The following CHD9 variants were observed in gnomAD, a reference collection of about 807,000 sequenced individuals.
CHD9 encodes the protein ATP-dependent chromatin remodeler CHD9.
Under a neutral mutation model 316.1 loss-of-function variants are expected in CHD9, and 77 were observed. That is an observed-to-expected ratio of 0.24 (90% confidence interval 0.20 to 0.29). CHD9 has a LOEUF of 0.29. Among genes scored for constraint, CHD9 ranks in the 10% least tolerant of loss-of-function variants. The probability of loss-of-function intolerance (pLI) is 1.00; values close to 1 mark genes in which losing one functional copy is unlikely to be tolerated. For synonymous variants in CHD9, 1,129 were observed against 1,158.3 expected (o/e 0.97, Z 0.51); for missense variants, 2,763 against 3,438.1 (o/e 0.80, Z 4.91).
chr16:53,107,567 C>T (rs981855159), intron 1 of CHD9, among the ~76,000 whole-genome samples: 2 of 150,884 alleles, frequency 1.3e-5, no homozygotes, highest in Non-Finnish European at 3.0e-5. Flanking sequence ...CCTGTAGTTC[C>T]AGTTACTTGG....
chr16:53,142,389 A>G (rs1450025551), intron 1 of CHD9, among the ~76,000 whole-genome samples: 1 of 152,240 alleles, frequency 6.6e-6, no homozygotes, highest in African/African-American at 2.4e-5. Context: ...GGCGTGAGCC[A>G]CTGCGCCCAT....
At chr16:53,323,382 C>A (rs1383649376) in intron 38 of CHD9, among the ~76,000 whole-genome samples, 1 of 152,186 alleles carries the variant, frequency 6.6e-6, no homozygotes, top group East Asian at 1.9e-4. Context: ...TGATTCTAAA[C>A]TCTTAAAACT....
chr16:53,298,701 T>C (rs1398013018), intron 30 of CHD9: 1 of 152,798 alleles, frequency 6.5e-6, no homozygotes, highest in Admixed American at 6.5e-5. Context: ...GGTACTGTGT[T>C]TGGTGACTAC....
chr16:53,107,490 A>AAAATT (rs2037457662), intron 1 of CHD9, among the ~76,000 whole-genome samples: 2 of 63,530 alleles, frequency 3.1e-5, no homozygotes, highest in African/African-American at 9.0e-5. Flanking sequence ...AAAATAAAAT[A>AAAATT]AATAAAATAA....
chr16:53,094,813 A>G (rs1307850464), intron 1 of CHD9, among the ~76,000 whole-genome samples: 2 of 151,622 alleles, frequency 1.3e-5, no homozygotes, highest in East Asian at 3.9e-4. Context: ...CTAATTTTGT[A>G]TTTTTAGTAG....
chr16:53,095,366 C>T (rs2036290432), intron 1 of CHD9, among the ~76,000 whole-genome samples: 1 of 151,866 alleles, frequency 6.6e-6, no homozygotes, highest in Non-Finnish European at 1.5e-5. Flanking sequence ...GGCAACACAG[C>T]AAGACCCTGT....
At chr16:53,103,416 G>A (rs923140839) in intron 1 of CHD9, among the ~76,000 whole-genome samples, 1 of 152,198 alleles carries the variant, frequency 6.6e-6, no homozygotes, top group Non-Finnish European at 1.5e-5. Context: ...GCAAATCAGT[G>A]AATGGAGTAT....
chr16:53,237,909 A>C (rs1170754332), intron 11 of CHD9, among the ~76,000 whole-genome samples: 1 of 152,020 alleles, frequency 6.6e-6, no homozygotes, highest in Non-Finnish European at 1.5e-5. Context: ...TCTGTGCTTC[A>C]GTGATAGCAC....
intron 2 of CHD9, among the ~76,000 whole-genome samples, chr16:53,175,649 G>A (rs2043052503): frequency 6.6e-6 from 1 of 152,080 alleles, no homozygotes; most frequent in African/African-American, 2.4e-5. Flanking sequence ...ATACATTGTT[G>A]TGTATAACCA....
At chr16:53,155,325 C>A (rs1027661263) in intron 1 of CHD9, among the ~76,000 whole-genome samples, 4 of 151,860 alleles carry the variant, frequency 2.6e-5, no homozygotes, top group African/African-American at 9.7e-5. Context: ...CAGGCTCAAG[C>A]AGTCCTCCCA....
intron 19 of CHD9, among the ~76,000 whole-genome samples, chr16:53,256,496 T>C (rs1412137086): frequency 6.6e-6 from 1 of 150,514 alleles, no homozygotes; most frequent in Admixed American, 6.6e-5. Flanking sequence ...CTAATTTTTG[T>C]AATTTTAGTA....
intron 37 of CHD9, among the ~76,000 whole-genome samples, chr16:53,320,376 G>A (rs773363603): frequency 6.6e-6 from 1 of 151,946 alleles, no homozygotes; most frequent in East Asian, 1.9e-4. Flanking sequence ...AGAAAAATTA[G>A]CCAGGCATGG....
chr16:53,214,340 C>T (rs1029631251), intron 3 of CHD9, among the ~76,000 whole-genome samples: 7 of 151,948 alleles, frequency 4.6e-5, no homozygotes, highest in African/African-American at 7.3e-5. Flanking sequence ...AATAAAGTGA[C>T]GTATGAAGCC....
At chr16:53,285,820 A>T in intron 25 of CHD9, 121 bp downstream of exon 25, 1 of 548,096 alleles carries the variant, frequency 1.8e-6, no homozygotes. Context: ...TATATACAGA[A>T]TTAAAAGCAT....
intron 1 of CHD9, among the ~76,000 whole-genome samples, chr16:53,139,674 T>A (rs1381118202): frequency 6.6e-6 from 1 of 152,202 alleles, no homozygotes; most frequent in East Asian, 1.9e-4. Flanking sequence ...GAGGGAAAGC[T>A]ACATTTAGTT....
In CHD9 at chr16:53,222,687, G is replaced by C. The variant is rs1464157113; in HGVS notation, c.1828G>C (p.Glu610Gln). Residue 610 changes from glutamate to glutamine, a missense_variant, in exon 4 of 39, where the codon GAG becomes CAG. Coordinates refer to ENST00000447540, the MANE Select transcript of CHD9 (RefSeq NM_001308319.2). ...GGGTAAGAAACAAAAAAGAAAGAATGAGTCTTCAGATGAAATATCTGATGC... is the reference window on the plus strand; with the variant it reads ...GGGTAAGAAACAAAAAAGAAAGAATCAGTCTTCAGATGAAATATCTGATGC... ...TLGKKQKRKN[E>Q]SSDEISDAEQ... 6.3e-7 allele frequency: 1 copy of C among 1,580,254 alleles called. No individual in the cohort carries two copies. The highest frequency in any genetic ancestry group is 2.3e-5 in the East Asian group (1 of 44,164).
At position 53,304,363 on chromosome 16, in the gene CHD9, G is replaced by A; in HGVS notation, c.6357G>A (p.Lys2119=). ...TEPLTPNPAS[K]KPRVHKRGSE... Reference sequence around the variant, plus strand: ...CCCTAACTCCAAACCCAGCTTCTAAGAAACCAAGAGTCCACAAAAGGGGAT... The same window carrying A: ...CCCTAACTCCAAACCCAGCTTCTAAAAAACCAAGAGTCCACAAAAGGGGAT... The change falls in exon 31 of 39, where the codon AAG becomes AAA. Residue 2119 remains lysine (K), a synonymous_variant. Transcript: ENST00000447540. 3 of 1,613,372 alleles carry A rather than the reference G, an allele frequency of 1.9e-6. No individual in the cohort carries two copies. The highest frequency in any genetic ancestry group is 2.2e-5 in the South Asian group (2 of 90,996).
chr16:53,221,922 T>G (rs1305804052), intron 3 of CHD9, among the ~76,000 whole-genome samples: 2 of 152,148 alleles, frequency 1.3e-5, no homozygotes, highest in African/African-American at 4.8e-5. Context: ...AAATCTGTCA[T>G]TGGAAATCTG....
intron 22 of CHD9, among the ~76,000 whole-genome samples, chr16:53,270,365 T>C (rs1260291510): frequency 6.6e-6 from 1 of 152,006 alleles, no homozygotes; most frequent in African/African-American, 2.4e-5. Context: ...ATACCAAATA[T>C]TAAGAAGCTA....
Sources: gnomAD v4.1 joint callset for allele counts (sites outside exome capture counted in the v4.1 genomes callset) on GRCh38, gnomAD v4.1.1 for gene constraint, MANE v1.5 for transcripts, NCBI Gene and HGNC (gene_info 2026-07-23, HGNC 2026-07-21) for gene names.